Variants in TRIO observed in about 807,000 individuals in gnomAD.
TRIO encodes the protein triple functional domain protein.
TRIO carries 58 observed loss-of-function variants against 351.9 expected under a neutral mutation model. That is an observed-to-expected ratio of 0.16 (90% CI 0.13 to 0.21). The LOEUF (loss-of-function observed/expected upper bound fraction) is 0.21. Ranked by LOEUF, TRIO falls within the 10% of genes least tolerant of loss-of-function variation. The probability of loss-of-function intolerance (pLI) is 1.00; values close to 1 mark genes in which losing one functional copy is unlikely to be tolerated. For synonymous variants in TRIO, 1,758 were observed against 1,595.7 expected (o/e 1.10, Z -2.42); for missense variants, 3,201 against 4,027.8 (o/e 0.79, Z 5.56).
intron 1 of TRIO, among the ~76,000 whole-genome samples, chr5:14,148,802 TG>T (rs986027855): frequency 6.6e-6 from 1 of 152,220 alleles, no homozygotes; most frequent in Admixed American, 6.5e-5. Context: ...ATGGTGTGGT[TG>T]GCCTGGTGGA....
Position 14,280,374 on chromosome 5 carries a change from T to C in TRIO, c.285T>C (p.Asn95=). 1 of 1,614,136 alleles carries C rather than the reference T, an allele frequency of 6.2e-7. No homozygotes were observed. Among genetic ancestry groups the C allele is most frequent in the Non-Finnish European group, 8.5e-7 (1 of 1,180,010 alleles). ...TTTTAACGTTTCCGGCCCGCAGCAA[T>C]CATGACAGAATACGACAGGAGGATC... ...GPILTFPARS[N]HDRIRQEDLR... Residue 95 remains asparagine, a synonymous_variant, in exon 3 of 57, where the codon AAT becomes AAC. Coordinates refer to ENST00000344204, the MANE Select transcript of TRIO (RefSeq NM_007118.4).
chr5:14,194,943 CT>C (rs900714171), intron 1 of TRIO, among the ~76,000 whole-genome samples: 52 of 151,478 alleles, frequency 3.4e-4, no homozygotes, highest in African/African-American at 1.5e-4. Context: ...CCTAGATAAA[CT>C]TTTTTTTTCT....
chr5:14,237,785 T>C (rs1793870453), intron 1 of TRIO, among the ~76,000 whole-genome samples: 1 of 152,216 alleles, frequency 6.6e-6, no homozygotes, highest in Non-Finnish European at 1.5e-5. Flanking sequence ...CCAATAATAT[T>C]GATCAGGCTT....
chr5:14,487,952 G>A lies in TRIO; in HGVS notation c.7324G>A (p.Gly2442Ser). ...CGCCAAGGACGCGCGCGCTAGCCTGGGCACCCTGCCGCTTGGGAAGCCCCG... is the reference window on the plus strand; with the variant it reads ...CGCCAAGGACGCGCGCGCTAGCCTGAGCACCCTGCCGCTTGGGAAGCCCCG... Reference protein sequence around the residue: ...APAKDARASLGTLPLGKPRAG... With the variant: ...APAKDARASLSTLPLGKPRAG... The change falls in exon 48 of 57, where the codon GGC becomes AGC. Residue 2442 changes from glycine to serine, a missense_variant. Gly to Ser is a moderately conservative substitution (Grantham distance 56). This residue lies in a region of TRIO where 1,089 missense variants were observed against 954.9 expected (regional missense o/e 1.14). Transcript: ENST00000344204. 1 of 1,549,310 alleles carries A rather than the reference G, an allele frequency of 6.5e-7. No individual in the cohort carries two copies. The highest frequency in any genetic ancestry group is 8.7e-7 in the Non-Finnish European group (1 of 1,147,258).
intron 46 of TRIO, 67 bp downstream of exon 46, chr5:14,482,840 C>A: frequency 7.4e-7 from 1 of 1,346,034 alleles, no homozygotes; most frequent in Non-Finnish European, 9.8e-7. Flanking sequence ...TACACTGTTT[C>A]CTTTTAATGA....
At chr5:14,188,345 A>G (rs995231356) in intron 1 of TRIO, among the ~76,000 whole-genome samples, 1 of 152,180 alleles carries the variant, frequency 6.6e-6, no homozygotes, top group East Asian at 1.9e-4. Context: ...AGATGAGGAA[A>G]CTGAGGTACA....
intron 11 of TRIO, among the ~76,000 whole-genome samples, chr5:14,340,336 G>T (rs912225105): frequency 2.7e-5 from 4 of 150,258 alleles, no homozygotes; most frequent in African/African-American, 9.8e-5. Context: ...GGCAGAGCTT[G>T]CAGTGAGCCG....
rs545252823 is a variant in TRIO at position 14,256,715 on chromosome 5, C to T, written c.158-14110C>T. 2.0e-5 allele frequency among the ~76,000 whole-genome samples: 3 copies of T among 152,260 alleles called. No individual in the cohort carries two copies. In the East Asian group the frequency reaches 5.8e-4, roughly 29 times the overall value. On this transcript the variant is annotated intron_variant, in intron 1 of 56. Transcript: ENST00000344204. Reference sequence around the variant, plus strand: ...ATTGAATATTTAAAACCACCAGGCCCCTTAGAAGTTATTTACTATAATGGC... The same window carrying T: ...ATTGAATATTTAAAACCACCAGGCCTCTTAGAAGTTATTTACTATAATGGC...
intron 31 of TRIO, among the ~76,000 whole-genome samples, chr5:14,402,225 T>C (rs1274481850): frequency 6.6e-6 from 1 of 152,218 alleles, no homozygotes; most frequent in African/African-American, 2.4e-5. Flanking sequence ...AAACCGCTTA[T>C]CCAGACTAGC....
intron 8 of TRIO, among the ~76,000 whole-genome samples, chr5:14,308,440 CTATT>C (rs1291512144): frequency 6.8e-6 from 1 of 146,106 alleles, no homozygotes; most frequent in Admixed American, 6.8e-5. Context: ...ATCCATCCCT[CTATT>C]TATCCAATCC....
At chr5:14,296,207 G>T (rs1737349011) in intron 6 of TRIO, among the ~76,000 whole-genome samples, 1 of 152,074 alleles carries the variant, frequency 6.6e-6, no homozygotes, top group Non-Finnish European at 1.5e-5. Flanking sequence ...AGCCAAAGAG[G>T]TATCTACGAT....
chr5:14,154,587 T>A (rs33022), intron 1 of TRIO, among the ~76,000 whole-genome samples: 7 of 151,894 alleles, frequency 4.6e-5, no homozygotes, highest in African/African-American at 1.7e-4. Context: ...TCATCAGCCA[T>A]ACCTCATGTG....
intron 34 of TRIO, among the ~76,000 whole-genome samples, chr5:14,436,873 C>T (rs1313626318): frequency 6.6e-6 from 1 of 152,240 alleles, no homozygotes; most frequent in Non-Finnish European, 1.5e-5. Context: ...CTCCTGGTTG[C>T]TTTCACGGAC....
At chr5:14,384,710 G>A (rs146551942) in intron 21 of TRIO, among the ~76,000 whole-genome samples, 63 of 152,024 alleles carry the variant, frequency 4.1e-4, no homozygotes, top group African/African-American at 1.4e-3. Context: ...TTATATCCTC[G>A]TATGGAGAAA....
intron 23 of TRIO, 32 bp from the exon 24 acceptor site, chr5:14,388,581 A>G (rs746903366): frequency 2.3e-5 from 37 of 1,596,724 alleles, no homozygotes; most frequent in Non-Finnish European, 3.1e-5. Context: ...CTGCACCCTG[A>G]CTGTACTCCT....
chr5:14,342,029 G>A (rs979978930), intron 11 of TRIO, among the ~76,000 whole-genome samples: 2 of 152,178 alleles, frequency 1.3e-5, no homozygotes, highest in African/African-American at 4.8e-5. Flanking sequence ...GCAGACACCA[G>A]CCTGGCTCTG....
At position 14,487,504 on chromosome 5, in the gene TRIO, GGGC is replaced by G. The variant is rs749785358; in HGVS notation, c.6892_6894del (p.Gly2298del). The G allele has an allele frequency of 1.8e-4, 198 of 1,081,912 alleles. No homozygotes were observed. Among genetic ancestry groups the G allele is most frequent in the Non-Finnish European group, 1.9e-4 (165 of 875,476 alleles). 67.0% of individuals were successfully genotyped at this position (1,081,912 alleles called of 1,614,324 possible). On this transcript the variant is annotated inframe_deletion, in exon 48 of 57. Coordinates refer to ENST00000344204, the MANE Select transcript of TRIO (RefSeq NM_007118.4). ...TCGAGTACCAGAGGAACCACAGCGGGGGCGGCGGCGGCGGCGGCAGCGGGGGCA... is the reference window on the plus strand; with the variant it reads ...TCGAGTACCAGAGGAACCACAGCGGGGGCGGCGGCGGCGGCAGCGGGGGCA...
intron 1 of TRIO, among the ~76,000 whole-genome samples, chr5:14,241,604 A>T (rs1234559519): frequency 6.6e-6 from 1 of 152,174 alleles, no homozygotes; most frequent in Admixed American, 6.5e-5. Context: ...ATTGTTGTGG[A>T]TATAGAGGCA....
At chr5:14,378,156 C>G (rs746052346) in intron 20 of TRIO, 29 bp downstream of exon 20, 1 of 1,535,544 alleles carries the variant, frequency 6.5e-7, no homozygotes, top group East Asian at 2.3e-5. Flanking sequence ...CCCAGCCTCC[C>G]CCTAAACTCC....
Sources: gnomAD v4.1 joint callset for allele counts (sites outside exome capture counted in the v4.1 genomes callset) on GRCh38, gnomAD v4.1.1 for gene constraint, gnomAD v4.1.1 regional missense constraint, MANE v1.5 for transcripts, NCBI Gene and HGNC (gene_info 2026-07-23, HGNC 2026-07-21) for gene names.